The following RCOR1 variants were observed in gnomAD, a reference collection of about 807,000 sequenced individuals.
RCOR1 encodes REST corepressor.
A neutral mutation model predicts 64.0 loss-of-function variants in RCOR1; 12 were observed. That is an observed-to-expected ratio of 0.19 (90% CI 0.12 to 0.30). The LOEUF (loss-of-function observed/expected upper bound fraction) is 0.30. RCOR1 is among the 10% of genes least tolerant of loss of function. RCOR1 has a pLI of 1.00. For missense variants in RCOR1, 502 were observed against 621.2 expected, an observed-to-expected ratio of 0.81 and a Z score of 2.04; for synonymous variants, 279 against 227.2, an observed-to-expected ratio of 1.23 and a Z score of -2.05.
At chr14:102,607,609 C>T (rs1595191900) in intron 2 of RCOR1, among the ~76,000 whole-genome samples, 2 of 151,980 alleles carry the variant, frequency 1.3e-5, no homozygotes, top group Non-Finnish European at 2.9e-5. Flanking sequence ...GCTAGCCAGG[C>T]GTGGTTGCTC....
chr14:102,621,877 A>G (rs911924098), intron 2 of RCOR1, among the ~76,000 whole-genome samples: 12 of 152,104 alleles, frequency 7.9e-5, no homozygotes, highest in African/African-American at 2.9e-4. Context: ...ATTTTGTTGG[A>G]TGAATGCAAG....
chr14:102,701,233 C>T, intron 3 of RCOR1, 45 bp from the exon 4 acceptor site: 1 of 1,491,464 alleles, frequency 6.7e-7, no homozygotes, highest in Non-Finnish European at 9.4e-7. Flanking sequence ...ATAGGGTGTA[C>T]TCTGTCCCTC....
In RCOR1 at chr14:102,673,732, C is replaced by T. The variant is rs557659876; in HGVS notation, c.362-8163C>T. The stretch of plus-strand genomic sequence containing the variant: ...CCGGGTTCAAGTGATTCTCCTGCCT[C>T]AGCCTCCCAAGTAGCTGGGATTACA... On this transcript the variant is annotated intron_variant, in intron 2 of 11. Transcript: ENST00000262241. Among the ~76,000 whole-genome samples, 5 of 152,306 alleles carry T rather than the reference C, an allele frequency of 3.3e-5. No homozygotes were observed. The South Asian group carries it at 1.0e-3, about 32-fold the overall frequency.
intron 2 of RCOR1, among the ~76,000 whole-genome samples, chr14:102,680,219 A>G (rs1046541075): frequency 6.6e-6 from 1 of 151,948 alleles, no homozygotes; most frequent in Non-Finnish European, 1.5e-5. Context: ...ACTATTTACT[A>G]TTAATATTAT....
At chr14:102,617,587 CTTTTTTTTTT>C (rs71119722) in intron 2 of RCOR1, among the ~76,000 whole-genome samples, 1 of 118,268 alleles carries the variant, frequency 8.5e-6, no homozygotes, top group Admixed American at 9.0e-5. Flanking sequence ...CTGTCTCTTT[CTTTTTTTTTT>C]TTTTTTTTTT....
rs985867621 is a variant in RCOR1, at chr14:102,623,476, T to C, written c.361+30151T>C. On this transcript the variant is annotated intron_variant, in intron 2 of 11. Coordinates refer to ENST00000262241, the MANE Select transcript of RCOR1 (RefSeq NM_015156.4). ...CAGGCTGGAGTGCAATGGCGCGATCTTGGCTCACTGCAAGCTCCGCCTCCT... is the reference window on the plus strand; with the variant it reads ...CAGGCTGGAGTGCAATGGCGCGATCCTGGCTCACTGCAAGCTCCGCCTCCT... 2.0e-5 allele frequency among the ~76,000 whole-genome samples: 3 copies of C among 151,832 alleles called. No individual in the cohort carries two copies. In the East Asian group the frequency reaches 5.9e-4, roughly 30 times the overall value.
chr14:102,692,208 A>G (rs1895547689), intron 3 of RCOR1, among the ~76,000 whole-genome samples: 1 of 152,218 alleles, frequency 6.6e-6, no homozygotes, highest in Admixed American at 6.5e-5. Flanking sequence ...TAGGGATGAA[A>G]TGAAATAATT....
chr14:102,666,283 A>G (rs1221111317), intron 2 of RCOR1, among the ~76,000 whole-genome samples: 1 of 152,230 alleles, frequency 6.6e-6, no homozygotes, highest in Admixed American at 6.5e-5. Context: ...CTTGCATGCC[A>G]TGGGTTTTTT....
intron 4 of RCOR1, 68 bp from the exon 5 acceptor site, chr14:102,707,283 T>C: frequency 7.3e-7 from 1 of 1,365,272 alleles, no homozygotes; most frequent in East Asian, 2.4e-5. Context: ...ACTTTTCTTT[T>C]GCTGGTCTCA....
intron 2 of RCOR1, among the ~76,000 whole-genome samples, chr14:102,650,060 A>T (rs1366920567): frequency 6.6e-6 from 1 of 151,890 alleles, no homozygotes; most frequent in Admixed American, 6.6e-5. Flanking sequence ...TAGCCGGGTG[A>T]GGTGGCGGGC....
At position 102,676,298 on chromosome 14, in the gene RCOR1, C is replaced by T. The variant is rs562310321; in HGVS notation, c.362-5597C>T. On this transcript the variant is annotated intron_variant, in intron 2 of 11. Coordinates refer to ENST00000262241, the MANE Select transcript of RCOR1 (RefSeq NM_015156.4). ...CCCAGTAGGGGCGGCCGGGCAGAAG[C>T]GCCCCTCACCTCCCGGATGGGGCGG... is the stretch of plus-strand genomic sequence containing the variant. Among the ~76,000 whole-genome samples, 1,429 of 145,982 alleles carry T rather than the reference C, an allele frequency of 9.8e-3. 8 individuals are homozygous for T. Among genetic ancestry groups the T allele is most frequent in the Admixed American group, 0.015 (218 of 14,896 alleles).
At chr14:102,635,969 G>C (rs1894226976) in intron 2 of RCOR1, among the ~76,000 whole-genome samples, 1 of 151,590 alleles carries the variant, frequency 6.6e-6, no homozygotes, top group African/African-American at 2.4e-5. Flanking sequence ...CTGACAGAGA[G>C]TCTCACTCTG....
intron 2 of RCOR1, chr14:102,651,129 G>T: frequency 2.1e-6 from 2 of 966,306 alleles, no homozygotes; most frequent in Non-Finnish European, 2.5e-6. Flanking sequence ...AGACCAGCTC[G>T]GTCGGGGAGA....
intron 2 of RCOR1, among the ~76,000 whole-genome samples, chr14:102,653,920 C>CT (rs1379169756): frequency 5.7e-4 from 56 of 98,924 alleles, no homozygotes; most frequent in African/African-American, 1.9e-3. Flanking sequence ...CAGGTATTTC[C>CT]TTCTTTCTTT....
Position 102,713,258 on chromosome 14 carries a change from GTTTC to G in RCOR1, c.859-1161_859-1158del, listed in dbSNP as rs1442319061. Among the ~76,000 whole-genome samples, 6 of 139,822 alleles carry G rather than the reference GTTTC, an allele frequency of 4.3e-5. No individual in the cohort carries two copies. In the East Asian group the frequency reaches 1.1e-3, roughly 25 times the overall value. 91.7% of individuals were successfully genotyped at this position (139,822 alleles called of 152,430 possible). On this transcript the variant is annotated intron_variant, in intron 7 of 11. Coordinates refer to ENST00000262241, the MANE Select transcript of RCOR1 (RefSeq NM_015156.4). ...CGTGAGCCACCACACCTGGCCCGTA[GTTTC>G]TTTTTTTTTTTTTTGAGACGGAGCC...
chr14:102,684,609 T>C (rs751821436), intron 3 of RCOR1, among the ~76,000 whole-genome samples: 37 of 152,158 alleles, frequency 2.4e-4, no homozygotes. Flanking sequence ...CTAAAAGTAA[T>C]ATTTACATAT....
rs1296732905 is a variant in RCOR1 at position 102,696,972 on chromosome 14, C to T, written c.446-4306C>T. On this transcript the variant is annotated intron_variant, in intron 3 of 11. Coordinates refer to ENST00000262241, the MANE Select transcript of RCOR1 (RefSeq NM_015156.4). ...GTCCTACCAGCAGCTACTGGTATAACTCTGTAAAGGAACAGGGTAGGTGGT... is the reference window on the plus strand; with the variant it reads ...GTCCTACCAGCAGCTACTGGTATAATTCTGTAAAGGAACAGGGTAGGTGGT... Among the ~76,000 whole-genome samples, 5 of 151,802 alleles carry T rather than the reference C, an allele frequency of 3.3e-5. 1 individual carries two copies. The highest frequency in any genetic ancestry group is 1.2e-4 in the African/African-American group (5 of 41,318).
chr14:102,601,249 G>A (rs188955950), intron 2 of RCOR1, among the ~76,000 whole-genome samples: 6 of 151,948 alleles, frequency 3.9e-5, no homozygotes, highest in Admixed American at 3.9e-4. Context: ...TTGACCTCAG[G>A]TGATTGACCC....
At chr14:102,611,829 G>A (rs1893640727) in intron 2 of RCOR1, among the ~76,000 whole-genome samples, 1 of 152,006 alleles carries the variant, frequency 6.6e-6, no homozygotes, top group Non-Finnish European at 1.5e-5. Context: ...GATTCTTTTG[G>A]GTATTTTATT....
Sources: allele counts gnomAD v4.1 joint callset (sites outside exome capture counted in the v4.1 genomes callset), GRCh38; gene constraint gnomAD v4.1.1; transcripts MANE v1.5; gene names NCBI Gene and HGNC (gene_info 2026-07-23, HGNC 2026-07-21).